CLEC2A: variants seen among roughly 807,000 people sequenced by gnomAD.
The protein encoded by CLEC2A is keratinocyte-associated C-type lectin.
In CLEC2A, 19 loss-of-function variants were observed where a neutral mutation model predicts 18.6. That is an observed-to-expected ratio of 1.02 (90% CI 0.71 to 1.50). CLEC2A has a LOEUF of 1.50. Ranked by LOEUF, CLEC2A falls within the 40% of genes most tolerant of loss-of-function variation. CLEC2A has a pLI of 0.00. For synonymous variants in CLEC2A, 74 were observed against 64.0 expected (o/e 1.16, Z -0.75); for missense variants, 190 against 207.9 (o/e 0.91, Z 0.53).
At chr12:9,881,539 A>G in the CLEC2A span, 1 of 1,243,428 alleles carries the variant, frequency 8.0e-7, no homozygotes, top group Non-Finnish European at 1.1e-6. Flanking sequence ...GGTTGAGATT[A>G]GTTTCCATTT....
intron 4 of CLEC2A, among the ~76,000 whole-genome samples, chr12:9,904,114 C>T (rs954483765): frequency 6.6e-6 from 1 of 152,152 alleles, no homozygotes; most frequent in African/African-American, 2.4e-5. Flanking sequence ...CACTGCATCC[C>T]TTTAGGTCTC....
rs928652570 is a variant in CLEC2A, at chr12:9,900,421, T to TA, written c.411-1446dup. Among the ~76,000 whole-genome samples the TA allele has an allele frequency of 2.6e-3, 394 of 150,080 alleles. 1 individual carries two copies. Among genetic ancestry groups the TA allele is most frequent in the African/African-American group, 5.2e-3 (212 of 41,024 alleles). The stretch of plus-strand genomic sequence containing the variant: ...CTCTCTCTGCAGTCCTCATTTTTGT[T>TA]AAAAAAAAAATCATCCTAAGACTGA... On this transcript the variant is annotated intron_variant, in intron 4 of 4. Transcript: ENST00000339766.
chr12:9,882,171 G>A, the CLEC2A span, among the ~76,000 whole-genome samples: 3 of 152,026 alleles, frequency 2.0e-5, no homozygotes, highest in African/African-American at 7.2e-5. Context: ...GGCTTTGTTT[G>A]CTTTTTCAGG....
At chr12:9,925,532 C>T (rs938329037) in intron 2 of CLEC2A, among the ~76,000 whole-genome samples, 1 of 152,096 alleles carries the variant, frequency 6.6e-6, no homozygotes, top group Non-Finnish European at 1.5e-5. Flanking sequence ...ATACCTGTAT[C>T]CTAGTCTAAT....
At chr12:9,915,259 G>A (rs989201078) in intron 4 of CLEC2A, among the ~76,000 whole-genome samples, 7 of 152,142 alleles carry the variant, frequency 4.6e-5, no homozygotes, top group Admixed American at 6.5e-5. Flanking sequence ...TGGTGGGAGT[G>A]TAAATTAGTT....
chr12:9,905,801 G>A (rs1412541470), intron 4 of CLEC2A, among the ~76,000 whole-genome samples: 2 of 152,068 alleles, frequency 1.3e-5, no homozygotes, highest in African/African-American at 4.8e-5. Flanking sequence ...TCCAAGCTTA[G>A]GTATAATATT....
chr12:9,894,714 C>T (rs1382067513), downstream of CLEC2A, among the ~76,000 whole-genome samples: 1 of 152,090 alleles, frequency 6.6e-6, no homozygotes, highest in Non-Finnish European at 1.5e-5. Context: ...AGATATTTAT[C>T]TACTCCTGGA....
intron 3 of CLEC2A, 98 bp from the exon 4 acceptor site, chr12:9,916,901 A>G (rs1863081513): frequency 1.4e-6 from 1 of 726,788 alleles, no homozygotes; most frequent in Middle Eastern, 2.4e-4. Context: ...TAGGATTCAC[A>G]TTCTAATTTG....
At chr12:9,879,185 A>ATTTTT in the CLEC2A span, among the ~76,000 whole-genome samples, 1 of 152,196 alleles carries the variant, frequency 6.6e-6, no homozygotes, top group Admixed American at 6.5e-5. Flanking sequence ...CAAACAAAAA[A>ATTTTT]GGATATTTCA....
the CLEC2A span, among the ~76,000 whole-genome samples, chr12:9,887,839 C>A: frequency 6.7e-6 from 1 of 150,178 alleles, no homozygotes; most frequent in African/African-American, 2.4e-5. Flanking sequence ...AGCGCTTGAG[C>A]CCAGGAGTTC....
chr12:9,925,373 T>G (rs1430135604), intron 2 of CLEC2A, among the ~76,000 whole-genome samples: 1 of 152,236 alleles, frequency 6.6e-6, no homozygotes, highest in Non-Finnish European at 1.5e-5. Context: ...GCTACAATTA[T>G]GAAGGTCAAG....
downstream of CLEC2A, among the ~76,000 whole-genome samples, chr12:9,894,009 T>A (rs1006331763): frequency 3.3e-5 from 5 of 152,072 alleles, no homozygotes; most frequent in African/African-American, 1.2e-4. Context: ...CTTGTTGATA[T>A]CCATTTCTTT....
chr12:9,930,457 C>G (rs1008402329), intron 1 of CLEC2A, among the ~76,000 whole-genome samples: 1 of 151,966 alleles, frequency 6.6e-6, no homozygotes, highest in African/African-American at 2.4e-5. Flanking sequence ...TTTATTGTAT[C>G]GTCTTCTGCA....
At chr12:9,877,989 G>T in the CLEC2A span, among the ~76,000 whole-genome samples, 1 of 152,044 alleles carries the variant, frequency 6.6e-6, no homozygotes, top group Non-Finnish European at 1.5e-5. Flanking sequence ...GAAATCTAAA[G>T]TGAAACAATG....
At chr12:9,922,326 G>A in intron 2 of CLEC2A, 94 bp from the exon 3 acceptor site, 1 of 1,046,372 alleles carries the variant, frequency 9.6e-7, no homozygotes, top group Non-Finnish European at 1.3e-6. Context: ...TGCTTCCACA[G>A]TTTGAGGCCC....
chr12:9,894,258 T>C (rs1253394135), downstream of CLEC2A, among the ~76,000 whole-genome samples: 1 of 151,758 alleles, frequency 6.6e-6, no homozygotes, highest in Admixed American at 6.6e-5. Context: ...CGTGGCTTAC[T>C]GCAGATTTGA....
At chr12:9,896,513 A>T (rs2137007975), downstream of CLEC2A, among the ~76,000 whole-genome samples, 1 of 152,112 alleles carries the variant, frequency 6.6e-6, no homozygotes, top group South Asian at 2.1e-4. Context: ...ATATGTACGG[A>T]TGTTAACACT....
chr12:9,923,935 G>A (rs1463744531), intron 2 of CLEC2A, among the ~76,000 whole-genome samples: 1 of 151,966 alleles, frequency 6.6e-6, no homozygotes, highest in Non-Finnish European at 1.5e-5. Flanking sequence ...GTTGGGGTTG[G>A]GGGAGTGGGG....
At chr12:9,913,725 G>C in intron 4 of CLEC2A, 45 bp from the exon 5 acceptor site, 2 of 1,252,508 alleles carry the variant, frequency 1.6e-6, no homozygotes, top group Non-Finnish European at 2.2e-6. Flanking sequence ...ACTTACGGCT[G>C]TAATCAAAAA....
Sources: gnomAD v4.1 joint callset for allele counts (sites outside exome capture counted in the v4.1 genomes callset) on GRCh38, gnomAD v4.1.1 for gene constraint, MANE v1.5 for transcripts, NCBI Gene and HGNC (gene_info 2026-07-23, HGNC 2026-07-21) for gene names.